The following STAG1 variants were observed in gnomAD, a reference collection of about 807,000 sequenced individuals.
STAG1 encodes the protein STAG1 cohesin complex component.
In STAG1, 26 loss-of-function variants were observed where a neutral mutation model predicts 170.9. The observed-to-expected ratio is 0.15, with a 90% CI of 0.11 to 0.21. The LOEUF is 0.21. Among genes scored for constraint, STAG1 ranks in the 10% least tolerant of loss-of-function variants. The pLI is 1.00. For synonymous variants in STAG1, 514 were observed against 497.7 expected (o/e 1.03, Z -0.44); for missense variants, 964 against 1,509.5 (o/e 0.64, Z 5.99).
intron 15 of STAG1, among the ~76,000 whole-genome samples, chr3:136,439,763 T>C (rs2088577137): frequency 6.6e-6 from 1 of 152,236 alleles, no homozygotes. Context: ...TAAGTCATTA[T>C]GTAGATACAG....
chr3:136,465,627 T>C (rs999933892), intron 12 of STAG1, among the ~76,000 whole-genome samples: 1 of 135,950 alleles, frequency 7.4e-6, no homozygotes, highest in African/African-American at 2.8e-5. Context: ...TTGCAGGTTA[T>C]ATAATAATAT....
At chr3:136,455,001 A>G (rs1188607461) in intron 13 of STAG1, among the ~76,000 whole-genome samples, 3 of 152,234 alleles carry the variant, frequency 2.0e-5, no homozygotes, top group African/African-American at 7.2e-5. Context: ...ATCATTAATC[A>G]AGTCATCAAA....
At chr3:136,699,170 G>T (rs1235092793) in intron 1 of STAG1, among the ~76,000 whole-genome samples, 2 of 152,012 alleles carry the variant, frequency 1.3e-5, no homozygotes, top group Non-Finnish European at 2.9e-5. Context: ...CACCACCAAA[G>T]AATTTATCCA....
intron 3 of STAG1, among the ~76,000 whole-genome samples, chr3:136,611,221 C>G (rs1939258672): frequency 6.6e-6 from 1 of 152,142 alleles, no homozygotes; most frequent in Admixed American, 6.5e-5. Context: ...ACAATCTAGG[C>G]TCACTGCAAC....
intron 1 of STAG1, among the ~76,000 whole-genome samples, chr3:136,674,226 G>T (rs1002548204): frequency 6.7e-6 from 1 of 149,980 alleles, no homozygotes; most frequent in African/African-American, 2.5e-5. Flanking sequence ...ATTCAAAAGA[G>T]CCCAAAATTG....
At chr3:136,543,152 G>A (rs1222085649) in intron 5 of STAG1, among the ~76,000 whole-genome samples, 1 of 152,126 alleles carries the variant, frequency 6.6e-6, no homozygotes, top group Non-Finnish European at 1.5e-5. Context: ...CTCCAAGAAA[G>A]AGAAATGGGC....
intron 14 of STAG1, 23 bp from the exon 15 acceptor site, chr3:136,443,427 G>A: frequency 6.8e-7 from 1 of 1,480,676 alleles, no homozygotes; most frequent in Non-Finnish European, 9.3e-7. Flanking sequence ...AATCAAGTGT[G>A]ACCAAAGAAT....
intron 22 of STAG1, among the ~76,000 whole-genome samples, chr3:136,391,094 T>C (rs1393399844): frequency 6.6e-6 from 1 of 152,220 alleles, no homozygotes; most frequent in Non-Finnish European, 1.5e-5. Flanking sequence ...TACAGCTAAA[T>C]ACCTCAATAA....
Position 136,367,164 on chromosome 3 carries a change from T to C in STAG1, c.2546-82A>G. The C allele has an allele frequency of 3.5e-6, 4 of 1,149,004 alleles. No homozygotes were observed. The South Asian group carries it at 5.0e-5, about 14-fold the overall frequency. 71.2% of individuals were successfully genotyped at this position (1,149,004 alleles called of 1,614,324 possible). A position where few individuals can be genotyped will look rare whatever the true frequency, so the allele number is the denominator to read the frequency against. Reference sequence around the variant, plus strand: ...TGCAGATAATCTGTATAATTGAAAATTAGCTTAATATTATAACTTCACAAA... The same window carrying C: ...TGCAGATAATCTGTATAATTGAAAACTAGCTTAATATTATAACTTCACAAA... On this transcript the variant is annotated intron_variant, in intron 24 of 33. Coordinates refer to ENST00000383202, the MANE Select transcript of STAG1 (RefSeq NM_005862.3).
intron 1 of STAG1, among the ~76,000 whole-genome samples, chr3:136,675,186 A>G (rs1942094452): frequency 6.6e-6 from 1 of 152,188 alleles, no homozygotes; most frequent in Non-Finnish European, 1.5e-5. Context: ...CCTTACCACT[A>G]TCTTGTCCCC....
At chr3:136,633,203 C>A (rs897610557) in intron 1 of STAG1, among the ~76,000 whole-genome samples, 1 of 151,222 alleles carries the variant, frequency 6.6e-6, no homozygotes, top group African/African-American at 2.4e-5. Context: ...CAGAAAGTAC[C>A]CCCACCCCGG....
At chr3:136,594,171 T>A (rs111981336) in intron 4 of STAG1, among the ~76,000 whole-genome samples, 3 of 152,166 alleles carry the variant, frequency 2.0e-5, no homozygotes, top group Admixed American at 2.0e-4. Flanking sequence ...AGTTAACAGG[T>A]AGAATTTAAA....
intron 3 of STAG1, among the ~76,000 whole-genome samples, chr3:136,613,417 C>T (rs969329879): frequency 6.0e-5 from 9 of 151,016 alleles, no homozygotes; most frequent in African/African-American, 2.2e-4. Flanking sequence ...TTCTAATAGG[C>T]ATGTAGTAGG....
At chr3:136,375,018 G>C (rs1280070012) in intron 23 of STAG1, among the ~76,000 whole-genome samples, 2 of 152,132 alleles carry the variant, frequency 1.3e-5, no homozygotes, top group Non-Finnish European at 2.9e-5. Context: ...ATACAGTACA[G>C]GATCATAGCC....
intron 1 of STAG1, among the ~76,000 whole-genome samples, chr3:136,707,608 G>A (rs1216299752): frequency 6.6e-6 from 1 of 152,100 alleles, no homozygotes; most frequent in African/African-American, 2.4e-5. Flanking sequence ...AGAAGTTCAA[G>A]GGTTCAAGGG....
intron 21 of STAG1, among the ~76,000 whole-genome samples, chr3:136,401,463 GTTA>G (rs1440396133): frequency 6.6e-6 from 1 of 152,308 alleles, no homozygotes; most frequent in South Asian, 2.1e-4. Context: ...TTCTGAAACT[GTTA>G]TTCAAAGTGT....
At chr3:136,744,228 G>A (rs2107954529) in intron 1 of STAG1, among the ~76,000 whole-genome samples, 1 of 152,358 alleles carries the variant, frequency 6.6e-6, no homozygotes, top group South Asian at 2.1e-4. Context: ...TCGGGTGGCT[G>A]AGGCCGGAGA....
At chr3:136,387,966 G>A (rs935444471) in intron 22 of STAG1, among the ~76,000 whole-genome samples, 2 of 152,178 alleles carry the variant, frequency 1.3e-5, no homozygotes, top group African/African-American at 4.8e-5. Context: ...AAATTCAGAT[G>A]GAGGACTAAA....
chr3:136,468,338 C>T (rs928568506), intron 12 of STAG1, among the ~76,000 whole-genome samples: 3 of 152,020 alleles, frequency 2.0e-5, no homozygotes, highest in South Asian at 4.2e-4. Flanking sequence ...ACCACCGATC[C>T]CACAGAAATA....
Sources: gnomAD v4.1 joint callset for allele counts (sites outside exome capture counted in the v4.1 genomes callset) on GRCh38, gnomAD v4.1.1 for gene constraint, MANE v1.5 for transcripts, NCBI Gene and HGNC (gene_info 2026-07-23, HGNC 2026-07-21) for gene names.